USP34: variants seen among roughly 807,000 people sequenced by gnomAD.
USP34 encodes ubiquitin carboxyl-terminal hydrolase 34.
USP34 carries 70 observed loss-of-function variants against 460.3 expected under a neutral mutation model. The ratio of observed to expected loss-of-function variants is 0.15; its 90% confidence interval spans 0.13 to 0.19. The LOEUF (loss-of-function observed/expected upper bound fraction) is 0.19, where lower values mean the gene tolerates loss of function less well. USP34 is among the 10% of genes least tolerant of loss of function. USP34 has a pLI of 1.00. For missense variants in USP34, 3,985 were observed against 4,236.2 expected, an observed-to-expected ratio of 0.94 and a Z score of 1.65; for synonymous variants, 1,647 against 1,405.3, an observed-to-expected ratio of 1.17 and a Z score of -3.85.
At chr2:61,272,677 T>C (rs1254130783) in intron 41 of USP34, among the ~76,000 whole-genome samples, 1 of 152,162 alleles carries the variant, frequency 6.6e-6, no homozygotes, top group African/African-American at 2.4e-5. Flanking sequence ...TCAGATCACA[T>C]CTCTCCTGTA....
In USP34 at chr2:61,281,374, G is replaced by C. The variant is rs565362392; in HGVS notation, c.4999-132C>G. 2.1e-5 allele frequency: 24 copies of C among 1,158,374 alleles called. No individual in the cohort carries two copies. The South Asian group carries it at 4.4e-4, about 21-fold the overall frequency. 71.8% of individuals were successfully genotyped at this position (1,158,374 alleles called of 1,614,324 possible). On this transcript the variant is annotated intron_variant, in intron 37 of 79. Transcript: ENST00000398571. ...AGCCTGTAATCCCAGCACTTTTGGA[G>C]GCCCAGGCAGGAGGATAACCTGTGG...
rs1429040258 is a variant in USP34 at position 61,280,309 on chromosome 2, A to C, written c.5191T>G (p.Cys1731Gly). 1 of 1,560,274 alleles carries C rather than the reference A, an allele frequency of 6.4e-7. No homozygotes were observed. The highest frequency in any genetic ancestry group is 8.7e-7 in the Non-Finnish European group (1 of 1,155,184). ...CATAACAACCAAAAATACTCTTTAC[A>C]TCCTGGTTTTAATATTGGTTCTTCC... ...YEEEPILKPG[C>G]KEYFWLLCKL... is the part of the protein sequence containing the mutation. The change falls in exon 39 of 80, where the codon TGT becomes GGT. Residue 1731 changes from cysteine (C) to glycine (G), a missense_variant. Physicochemically the swap from Cys to Gly is radical, Grantham distance 159 (BLOSUM62 -3). Around this residue, in one of 14 missense-constraint regions of USP34, gnomAD observed 1,114 missense variants for 1,122.5 expected, o/e 0.99. Coordinates refer to ENST00000398571, the MANE Select transcript of USP34 (RefSeq NM_014709.4).
chr2:61,363,838 T>A (rs1692346090), intron 10 of USP34, among the ~76,000 whole-genome samples: 1 of 134,094 alleles, frequency 7.5e-6, no homozygotes, highest in South Asian at 2.5e-4. Context: ...AAATGCAGTA[T>A]ATACATACAG....
chr2:61,231,399 G>A lies in USP34; in HGVS notation c.7113+1053C>T, dbSNP rs188054460. 2.4e-4 allele frequency among the ~76,000 whole-genome samples: 36 copies of A among 151,998 alleles called. No homozygotes were observed. In the Middle Eastern group the frequency reaches 0.01, roughly 43 times the overall value. ...TAAATTTTACATTTTGAAAGGTCTG[G>A]GTAAATTTTATGGTATAAGAATTGT... On this transcript the variant is annotated intron_variant, in intron 58 of 79. Coordinates refer to ENST00000398571, the MANE Select transcript of USP34 (RefSeq NM_014709.4).
intron 1 of USP34, among the ~76,000 whole-genome samples, chr2:61,455,182 C>T (rs1051682689): frequency 6.6e-6 from 1 of 150,684 alleles, no homozygotes; most frequent in Admixed American, 6.6e-5. Context: ...ACACCCCAGC[C>T]TTTTGTTTGT....
chr2:61,305,394 G>A (rs1364373956), intron 27 of USP34, among the ~76,000 whole-genome samples: 3 of 151,858 alleles, frequency 2.0e-5, no homozygotes, highest in Admixed American at 6.6e-5. Flanking sequence ...TATGCAAGAT[G>A]ACCACAAAAT....
At chr2:61,226,551 C>T (rs1687736927) in intron 62 of USP34, among the ~76,000 whole-genome samples, 4 of 152,078 alleles carry the variant, frequency 2.6e-5, no homozygotes, top group Admixed American at 2.6e-4. Context: ...GTAATAGATC[C>T]TAAAGATTTC....
At chr2:61,468,576 G>A (rs183702645) in intron 1 of USP34, among the ~76,000 whole-genome samples, 4 of 152,286 alleles carry the variant, frequency 2.6e-5, no homozygotes, top group Non-Finnish European at 4.4e-5. Context: ...AAGAAACTAA[G>A]TATTTTTAGA....
At position 61,294,811 on chromosome 2, in the gene USP34, G is replaced by A. The variant is rs1689975020; in HGVS notation, c.4461+138C>T. The A allele has an allele frequency of 6.8e-6, 5 of 732,218 alleles. No individual in the cohort carries two copies. In the South Asian group the frequency reaches 9.5e-5, roughly 14 times the overall value. 45.4% of individuals were successfully genotyped at this position (732,218 alleles called of 1,614,324 possible). A position where few individuals can be genotyped will look rare whatever the true frequency, so the allele number is the denominator to read the frequency against. Reference sequence around the variant, plus strand: ...TCAGTTTACGTTATTGCAACTTAAAGTAATACATGATTTTTAAACTATGCT... The same window carrying A: ...TCAGTTTACGTTATTGCAACTTAAAATAATACATGATTTTTAAACTATGCT... On this transcript the variant is annotated intron_variant, in intron 32 of 79. Transcript: ENST00000398571.
At chr2:61,195,406 G>T (rs1686770079) in intron 75 of USP34, among the ~76,000 whole-genome samples, 1 of 150,602 alleles carries the variant, frequency 6.6e-6, no homozygotes, top group African/African-American at 2.4e-5. Flanking sequence ...GGGCATAGTG[G>T]CTCATGCCTG....
In USP34 at chr2:61,229,476, C is replaced by CAAA. The variant is rs70959901; in HGVS notation, c.7199+69_7199+71dup. On this transcript the variant is annotated intron_variant, in intron 59 of 79. Transcript: ENST00000398571. ...ATCTCTTAAAAAAAAAAAAAAAAAACAAAAAAAAAAAACAAAAACACCACA... is the reference window on the plus strand; with the variant it reads ...ATCTCTTAAAAAAAAAAAAAAAAAACAAAAAAAAAAAAAAACAAAAACACCACA... 1,707 of 401,068 alleles carry CAAA rather than the reference C, an allele frequency of 4.3e-3. 21 individuals are homozygous for CAAA. The highest frequency in any genetic ancestry group is 6.8e-3 in the South Asian group (147 of 21,520). The allele number at this position is 401,068 out of a possible 1,614,324, so 24.8% of individuals were successfully genotyped here. A position where few individuals can be genotyped will look rare whatever the true frequency, so the allele number is the denominator to read the frequency against.
chr2:61,392,593 T>C (rs1050909063), intron 5 of USP34, among the ~76,000 whole-genome samples: 3 of 152,022 alleles, frequency 2.0e-5, no homozygotes, highest in African/African-American at 7.2e-5. Flanking sequence ...CACTGCACTC[T>C]AGCCTGGGTG....
chr2:61,423,417 A>G (rs1389376494), intron 1 of USP34, among the ~76,000 whole-genome samples: 3 of 152,204 alleles, frequency 2.0e-5, no homozygotes, highest in Non-Finnish European at 4.4e-5. Flanking sequence ...TACACTAACA[A>G]TGAACAATTT....
rs561576650 is a variant in USP34, at chr2:61,386,734, G to A, written c.754-3398C>T. Among the ~76,000 whole-genome samples the A allele has an allele frequency of 1.6e-3, 238 of 152,214 alleles. 1 individual carries two copies. Among genetic ancestry groups the A allele is most frequent in the African/African-American group, 5.3e-3 (220 of 41,532 alleles). On this transcript the variant is annotated intron_variant, in intron 5 of 79. Transcript: ENST00000398571. ...GAACCCAGGAGGTGGATGTTGCAGT[G>A]AGCTGAGATCAAGCCACTGCACTCC...
intron 20 of USP34, among the ~76,000 whole-genome samples, chr2:61,327,196 C>T (rs1057428431): frequency 3.3e-5 from 5 of 152,150 alleles, no homozygotes; most frequent in Admixed American, 3.3e-4. Flanking sequence ...AGTTTTAAAG[C>T]TTAAGTTTTC....
intron 10 of USP34, among the ~76,000 whole-genome samples, chr2:61,360,706 G>A (rs1457404916): frequency 6.6e-6 from 1 of 152,182 alleles, no homozygotes; most frequent in African/African-American, 2.4e-5. Flanking sequence ...AGCCAAGCTG[G>A]AGTACAGTGG....
chr2:61,450,174 T>C (rs925711005), intron 1 of USP34, among the ~76,000 whole-genome samples: 1 of 151,996 alleles, frequency 6.6e-6, no homozygotes, highest in Admixed American at 6.6e-5. Context: ...TAAGTGAAAG[T>C]AGGCAGTCAC....
At position 61,410,027 on chromosome 2, in the gene USP34, T is replaced by C. The variant is rs200427769; in HGVS notation, c.132-3899A>G. ...GAATTCTCAATACGGCGTTTCCCTC[T>C]GTGTATCAATGGTTCCCAACCTTTT... is the stretch of plus-strand genomic sequence containing the variant. On this transcript the variant is annotated intron_variant, in intron 2 of 79. Coordinates refer to ENST00000398571, the MANE Select transcript of USP34 (RefSeq NM_014709.4). 1.6e-4 allele frequency among the ~76,000 whole-genome samples: 24 copies of C among 152,340 alleles called. No homozygotes were observed. In the East Asian group the frequency reaches 4.6e-3, roughly 29 times the overall value.
At chr2:61,292,049 C>T (rs1335956199) in intron 33 of USP34, among the ~76,000 whole-genome samples, 3 of 152,068 alleles carry the variant, frequency 2.0e-5, no homozygotes, top group African/African-American at 7.2e-5. Context: ...ATGATGGTTG[C>T]CTAGGGCTAA....
Sources: gnomAD v4.1 joint callset for allele counts (sites outside exome capture counted in the v4.1 genomes callset) on GRCh38, gnomAD v4.1.1 for gene constraint, gnomAD v4.1.1 regional missense constraint, MANE v1.5 for transcripts, NCBI Gene and HGNC (gene_info 2026-07-23, HGNC 2026-07-21) for gene names.